NAF1: variants seen among roughly 807,000 people sequenced by gnomAD.
The protein encoded by NAF1 is H/ACA ribonucleoprotein complex non-core subunit NAF1.
A neutral mutation model predicts 40.6 loss-of-function variants in NAF1; 11 were observed. That is an observed-to-expected ratio of 0.27 (90% CI 0.17 to 0.45). The LOEUF is 0.45. Among genes scored for constraint, NAF1 ranks in the 20% least tolerant of loss-of-function variants. The pLI is 1.00. For missense variants in NAF1, 607 were observed against 611.1 expected (o/e 0.99, Z 0.07); for synonymous variants, 260 against 228.5 (o/e 1.14, Z -1.24).
intron 2 of NAF1, chr4:163,117,594 C>T (rs1044884161): frequency 3.3e-5 from 5 of 149,528 alleles, no homozygotes; most frequent in African/African-American, 1.2e-4. Flanking sequence ...AACTATTTTA[C>T]AAAGTAGAGA....
intron 2 of NAF1, among the ~76,000 whole-genome samples, chr4:163,148,904 C>T (rs546033961): frequency 2.0e-5 from 3 of 152,098 alleles, no homozygotes; most frequent in Admixed American, 6.5e-5. Flanking sequence ...ATCTTTTCTG[C>T]GACTGTGTCA....
intron 2 of NAF1, among the ~76,000 whole-genome samples, chr4:163,153,038 G>C (rs956858718): frequency 1.1e-4 from 17 of 152,228 alleles, no homozygotes; most frequent in African/African-American, 3.6e-4. Flanking sequence ...TGCCAGCCCA[G>C]CAGCACTGCG....
At chr4:163,127,021 T>C (rs1045895212), downstream of NAF1, 10 of 1,551,572 alleles carry the variant, frequency 6.4e-6, no homozygotes, top group African/African-American at 1.4e-5. Context: ...TAAACGTAAC[T>C]TTTATATGCA....
intron 5 of NAF1, 147 bp from the exon 6 acceptor site, chr4:163,137,397 TC>T (rs1731102420): frequency 2.6e-6 from 2 of 774,574 alleles, no homozygotes; most frequent in Non-Finnish European, 3.8e-6. Context: ...TTACCTTATT[TC>T]AAAAGATGTG....
At position 163,164,245 on chromosome 4, in the gene NAF1, A is replaced by G; in HGVS notation, c.512T>C (p.Leu171Pro). 2 of 1,565,370 alleles carry G rather than the reference A, an allele frequency of 1.3e-6. No homozygotes were observed. The highest frequency in any genetic ancestry group is 1.7e-6 in the Non-Finnish European group (2 of 1,160,126). The change falls in exon 2 of 8, where the codon CTT becomes CCT. Residue 171 changes from leucine to proline, a missense_variant. By Grantham distance (98) the Leu-to-Pro change is moderately conservative. Around this residue, in one of 3 missense-constraint regions of NAF1, gnomAD observed 407 missense variants for 365.5 expected, o/e 1.11. Coordinates refer to ENST00000274054, the MANE Select transcript of NAF1 (RefSeq NM_138386.3). Reference protein sequence around the residue: ...QIEKENKNFPLKTKDELLLNE... With the variant: ...QIEKENKNFPPKTKDELLLNE... ...AAGAAGTAATTCATCTTTTGTTTTA[A>G]GAGGAAAATTCTTATTTTCCTTCTC...
chr4:163,133,011 T>C (rs1485836203), intron 7 of NAF1, 143 bp downstream of exon 7: 6 of 645,240 alleles, frequency 9.3e-6, no homozygotes, highest in African/African-American at 1.8e-5. Flanking sequence ...CCACACCTCC[T>C]GCTATGTAAT....
intron 3 of NAF1, 95 bp downstream of exon 3, chr4:163,148,246 G>C (rs1244298622): frequency 1.6e-6 from 1 of 642,636 alleles, no homozygotes; most frequent in Non-Finnish European, 2.6e-6. Flanking sequence ...TGTTAATTAC[G>C]TATGTCAAAG....
chr4:163,145,986 T>C (rs1366903359), intron 3 of NAF1, 122 bp from the exon 4 acceptor site: 7 of 550,676 alleles, frequency 1.3e-5, no homozygotes, highest in Non-Finnish European at 2.2e-5. Context: ...TATTACCTCA[T>C]TAACCATTTT....
chr4:163,127,933 T>C (rs1169182200), downstream of NAF1, among the ~76,000 whole-genome samples: 1 of 152,230 alleles, frequency 6.6e-6, no homozygotes, highest in Non-Finnish European at 1.5e-5. Context: ...TTCAACTCCT[T>C]GTCAACTCAC....
chr4:163,143,510 A>G (rs941083659), intron 4 of NAF1, among the ~76,000 whole-genome samples: 1 of 152,190 alleles, frequency 6.6e-6, no homozygotes, highest in Non-Finnish European at 1.5e-5. Flanking sequence ...AGGGAGAATG[A>G]GCTGTACTCT....
At chr4:163,165,287 T>C (rs920201624) in intron 1 of NAF1, among the ~76,000 whole-genome samples, 4 of 152,222 alleles carry the variant, frequency 2.6e-5, no homozygotes, top group Non-Finnish European at 4.4e-5. Context: ...TGTACCCCTT[T>C]TGACTTCTTC....
chr4:163,147,682 T>A (rs1731526469), intron 3 of NAF1, among the ~76,000 whole-genome samples: 1 of 152,162 alleles, frequency 6.6e-6, no homozygotes, highest in Admixed American at 6.5e-5. Flanking sequence ...ATACATTACA[T>A]TTTTAAGAGC....
At chr4:163,153,110 G>A (rs1170424398) in intron 2 of NAF1, among the ~76,000 whole-genome samples, 1 of 152,188 alleles carries the variant, frequency 6.6e-6, no homozygotes, top group Non-Finnish European at 1.5e-5. Context: ...CCTGCAGCCC[G>A]CCATGCCTGA....
At position 163,166,602 on chromosome 4, in the gene NAF1, C is replaced by T. The variant is rs747182134; in HGVS notation, c.126G>A (p.Pro42=). ...GGGACCCCTCAAACGACTGTAGCGGCGGCTGTGTCCCTGGCACAGGGGCAG... is the reference window on the plus strand; with the variant it reads ...GGGACCCCTCAAACGACTGTAGCGGTGGCTGTGTCCCTGGCACAGGGGCAG... The part of the protein sequence containing the change: ...PGSAPVPGTQ[P]PLQSFEGSPD... Residue 42 remains proline (P), a synonymous_variant, in exon 1 of 8, where the codon CCG becomes CCA. Transcript: ENST00000274054. 90 of 1,610,496 alleles carry T rather than the reference C, an allele frequency of 5.6e-5. No homozygotes were observed. The highest frequency in any genetic ancestry group is 7.2e-5 in the Non-Finnish European group (85 of 1,179,258).
intron 2 of NAF1, among the ~76,000 whole-genome samples, chr4:163,152,605 CATAG>C (rs1731756477): frequency 6.6e-6 from 1 of 152,222 alleles, no homozygotes; most frequent in Non-Finnish European, 1.5e-5. Context: ...GGAAAACAGA[CATAG>C]ACACTGTTAT....
In NAF1 at chr4:163,163,298, A is replaced by G. The variant is rs116077128; in HGVS notation, c.540+919T>C. ...AGCGAGACGAGAATTTCTTGTTATG[A>G]GTAGAGAAAAAGAGAAATAATTCAG... On this transcript the variant is annotated intron_variant, in intron 2 of 7. Coordinates refer to ENST00000274054, the MANE Select transcript of NAF1 (RefSeq NM_138386.3). Among the ~76,000 whole-genome samples, 1,312 of 152,272 alleles carry G rather than the reference A, an allele frequency of 8.6e-3. 22 individuals are homozygous for G. The highest frequency in any genetic ancestry group is 0.03 in the African/African-American group (1,248 of 41,552).
chr4:163,110,046 G>C, downstream of NAF1: 1 of 441,366 alleles, frequency 2.3e-6, no homozygotes, highest in East Asian at 3.4e-5. Context: ...TATTAAGTAT[G>C]CAGATATGGA....
At chr4:163,106,669 T>C (rs1241015980), downstream of NAF1, among the ~76,000 whole-genome samples, 2 of 152,150 alleles carry the variant, frequency 1.3e-5, no homozygotes, top group Non-Finnish European at 2.9e-5. Context: ...AGCCTAAAAA[T>C]GGAATAATTT....
intron 2 of NAF1, among the ~76,000 whole-genome samples, chr4:163,163,068 A>G (rs985221680): frequency 5.3e-5 from 8 of 152,236 alleles, no homozygotes; most frequent in African/African-American, 1.7e-4. Context: ...GTTCGTTATT[A>G]TATTCTAATA....
Sources: allele counts gnomAD v4.1 joint callset (sites outside exome capture counted in the v4.1 genomes callset), GRCh38; gene constraint gnomAD v4.1.1; regional missense constraint gnomAD v4.1.1; transcripts MANE v1.5; gene names NCBI Gene and HGNC (gene_info 2026-07-23, HGNC 2026-07-21).